Variants in ACTR3C observed in about 807,000 individuals in gnomAD.
ACTR3C encodes actin-related protein 3C.
In ACTR3C, 18 loss-of-function variants were observed where a neutral mutation model predicts 26.3. That is an observed-to-expected ratio of 0.68 (90% CI 0.47 to 1.01). ACTR3C has a LOEUF of 1.01. Among genes scored for constraint, ACTR3C ranks in the 50% least tolerant of loss-of-function variants. The probability of loss-of-function intolerance (pLI) is 0.00; values close to 1 mark genes in which losing one functional copy is unlikely to be tolerated. For missense variants in ACTR3C, 184 were observed against 250.7 expected, an observed-to-expected ratio of 0.73 and a Z score of 1.80; for synonymous variants, 55 against 94.5, an observed-to-expected ratio of 0.58 and a Z score of 2.42.
chr7:150,188,136 T>A, the ACTR3C span, among the ~76,000 whole-genome samples: 1 of 152,110 alleles, frequency 6.6e-6, no homozygotes, highest in South Asian at 2.1e-4. Context: ...TGGAAAATGA[T>A]ATTTAAAATG....
At chr7:149,974,655 A>G in the ACTR3C span, among the ~76,000 whole-genome samples, 2 of 152,142 alleles carry the variant, frequency 1.3e-5, no homozygotes, top group African/African-American at 2.4e-5. Context: ...CTTATTTTAT[A>G]CCTTTGGGCT....
chr7:149,894,719 C>G, the ACTR3C span, among the ~76,000 whole-genome samples: 1 of 151,852 alleles, frequency 6.6e-6, no homozygotes. Context: ...TGGCAATTAT[C>G]AAAAAAGCAA....
At chr7:150,162,949 C>T in the ACTR3C span, among the ~76,000 whole-genome samples, 16 of 151,990 alleles carry the variant, frequency 1.1e-4, no homozygotes, top group South Asian at 4.2e-4. Flanking sequence ...GTCAGGAGTT[C>T]GAGACCAGTC....
the ACTR3C span, among the ~76,000 whole-genome samples, chr7:150,185,423 G>A: frequency 6.6e-6 from 1 of 152,056 alleles, no homozygotes; most frequent in Non-Finnish European, 1.5e-5. Context: ...ATTAAAAACA[G>A]TAACAACATC....
the ACTR3C span, among the ~76,000 whole-genome samples, chr7:149,979,485 G>A: frequency 2.6e-5 from 4 of 152,128 alleles, no homozygotes; most frequent in Non-Finnish European, 2.9e-5. Flanking sequence ...AACAAGACAG[G>A]ACTGCAGTAA....
the ACTR3C span, among the ~76,000 whole-genome samples, chr7:149,953,539 T>C: frequency 6.6e-6 from 1 of 151,984 alleles, no homozygotes. Context: ...CAGATGATAA[T>C]TCATGATTTG....
chr7:150,046,244 C>G, the ACTR3C span, among the ~76,000 whole-genome samples: 1 of 147,492 alleles, frequency 6.8e-6, no homozygotes, highest in East Asian at 2.2e-4. Context: ...CCACATCCTT[C>G]ATTCATAAAA....
At chr7:150,127,169 C>A in the ACTR3C span, among the ~76,000 whole-genome samples, 2 of 150,564 alleles carry the variant, frequency 1.3e-5, no homozygotes, top group South Asian at 4.2e-4. Flanking sequence ...CACACACACA[C>A]ACACACACAC....
the ACTR3C span, among the ~76,000 whole-genome samples, chr7:150,023,215 C>A: frequency 6.9e-6 from 1 of 144,116 alleles, no homozygotes; most frequent in Non-Finnish European, 1.5e-5. Context: ...ATCTCTATAT[C>A]TCTATATAGA....
chr7:149,889,909 T>G, the ACTR3C span, among the ~76,000 whole-genome samples: 3 of 152,062 alleles, frequency 2.0e-5, no homozygotes, highest in Non-Finnish European at 4.4e-5. Context: ...CCACTGTGGA[T>G]GTACAGAGAA....
chr7:150,199,086 C>CCCA, the ACTR3C span, among the ~76,000 whole-genome samples: 2 of 135,082 alleles, frequency 1.5e-5, no homozygotes, highest in African/African-American at 7.6e-5. Context: ...TGCCCGGCCG[C>CCCA]CCCCCCGTCT....
the ACTR3C span, among the ~76,000 whole-genome samples, chr7:149,983,781 A>G: frequency 3.3e-5 from 5 of 152,124 alleles, no homozygotes; most frequent in Non-Finnish European, 7.3e-5. Context: ...ATACCATCAA[A>G]TATTATTTAG....
At chr7:150,188,474 A>G in the ACTR3C span, among the ~76,000 whole-genome samples, 1 of 151,702 alleles carries the variant, frequency 6.6e-6, no homozygotes, top group African/African-American at 2.4e-5. Context: ...GTAAATACTC[A>G]GGAATAGAAT....
the ACTR3C span, among the ~76,000 whole-genome samples, chr7:150,168,654 C>CA: frequency 1.0e-3 from 153 of 150,798 alleles, 13 homozygotes; most frequent in African/African-American, 3.5e-3. Context: ...TCCCTGGTGC[C>CA]AAAAAAGTTG....
the ACTR3C span, among the ~76,000 whole-genome samples, chr7:150,163,202 A>G: frequency 1.3e-5 from 2 of 151,914 alleles, no homozygotes; most frequent in South Asian, 2.1e-4. Context: ...TTTCAGATAG[A>G]GGGTGGACAG....
At chr7:150,299,484 A>AAAAAAC (rs1341742531) in intron 1 of ACTR3C, among the ~76,000 whole-genome samples, 1 of 145,004 alleles carries the variant, frequency 6.9e-6, no homozygotes, top group African/African-American at 2.7e-5. Context: ...AAAAAAAAAA[A>AAAAAAC]AAAAAAAAAA....
chr7:150,199,207 G>A, the ACTR3C span, among the ~76,000 whole-genome samples: 1 of 139,868 alleles, frequency 7.1e-6, no homozygotes, highest in African/African-American at 3.0e-5. Context: ...GATGGTTGCC[G>A]TGTCTGTGTA....
At chr7:150,047,616 T>A in the ACTR3C span, 3 of 1,031,534 alleles carry the variant, frequency 2.9e-6, no homozygotes, top group East Asian at 1.5e-4. Flanking sequence ...TACGTCCTCC[T>A]TGTCACCATC....
chr7:149,993,452 C>T, the ACTR3C span, among the ~76,000 whole-genome samples: 1 of 152,164 alleles, frequency 6.6e-6, no homozygotes, highest in South Asian at 2.1e-4. Flanking sequence ...CATCTAAATT[C>T]ACTGCAGGAT....
Sources: gnomAD v4.1 joint callset for allele counts (sites outside exome capture counted in the v4.1 genomes callset) on GRCh38, gnomAD v4.1.1 for gene constraint, MANE v1.5 for transcripts, NCBI Gene and HGNC (gene_info 2026-07-23, HGNC 2026-07-21) for gene names.